INPP4B: variants seen among roughly 807,000 people sequenced by gnomAD.
INPP4B encodes inositol polyphosphate-4-phosphatase type II B.
INPP4B carries 55 observed loss-of-function variants against 122.5 expected under a neutral mutation model. The ratio of observed to expected loss-of-function variants is 0.45; its 90% CI spans 0.36 to 0.56. The LOEUF (loss-of-function observed/expected upper bound fraction) is 0.56. INPP4B is among the 20% of genes least tolerant of loss of function. The pLI is 0.00. For missense variants in INPP4B, 1,000 were observed against 1,097.7 expected, an observed-to-expected ratio of 0.91 and a Z score of 1.26; for synonymous variants, 403 against 388.7, an observed-to-expected ratio of 1.04 and a Z score of -0.43.
intron 9 of INPP4B, among the ~76,000 whole-genome samples, chr4:142,289,627 C>A (rs1755471709): frequency 6.6e-6 from 1 of 152,144 alleles, no homozygotes; most frequent in Admixed American, 6.6e-5. Context: ...TGAGAACATG[C>A]AGTAGTTGGT....
At chr4:142,205,882 T>C (rs1459203322) in intron 14 of INPP4B, among the ~76,000 whole-genome samples, 1 of 152,170 alleles carries the variant, frequency 6.6e-6, no homozygotes, top group Non-Finnish European at 1.5e-5. Context: ...AATCATTACC[T>C]ACTGTTCTAT....
chr4:142,774,407 A>G (rs1773541825), intron 1 of INPP4B, among the ~76,000 whole-genome samples: 1 of 152,092 alleles, frequency 6.6e-6, no homozygotes, highest in Admixed American at 6.5e-5. Context: ...TTATATTTGG[A>G]CAGCTTAATA....
intron 15 of INPP4B, among the ~76,000 whole-genome samples, chr4:142,175,002 C>A (rs537964638): frequency 4.0e-4 from 61 of 152,096 alleles, no homozygotes; most frequent in Non-Finnish European, 6.8e-4. Flanking sequence ...AATCTTTGAT[C>A]CATTTCATCA....
At chr4:142,363,015 G>C (rs1434456743) in intron 7 of INPP4B, among the ~76,000 whole-genome samples, 1 of 152,008 alleles carries the variant, frequency 6.6e-6, no homozygotes, top group Admixed American at 6.6e-5. Context: ...CAAAAATAAT[G>C]TGGAGGGGTA....
intron 2 of INPP4B, among the ~76,000 whole-genome samples, chr4:142,572,044 C>T (rs1732948313): frequency 6.6e-6 from 1 of 152,056 alleles, no homozygotes; most frequent in Non-Finnish European, 1.5e-5. Flanking sequence ...CCATAGACAG[C>T]CAATGCTAAA....
At chr4:142,135,969 A>G (rs1276802537) in intron 18 of INPP4B, among the ~76,000 whole-genome samples, 1 of 151,936 alleles carries the variant, frequency 6.6e-6, no homozygotes, top group East Asian at 1.9e-4. Flanking sequence ...GCTAATTTTT[A>G]GTATTTTTTA....
intron 1 of INPP4B, among the ~76,000 whole-genome samples, chr4:142,833,475 A>G (rs1035757334): frequency 2.6e-5 from 4 of 152,094 alleles, no homozygotes; most frequent in African/African-American, 9.7e-5. Flanking sequence ...TATAACAATA[A>G]CAATCATATT....
At chr4:142,405,007 A>G (rs1044013424) in intron 6 of INPP4B, among the ~76,000 whole-genome samples, 199 bp downstream of exon 6, 1 of 151,670 alleles carries the variant, frequency 6.6e-6, no homozygotes, top group Non-Finnish European at 1.5e-5. Flanking sequence ...GCATTGCTTA[A>G]TAATCTCAGG....
At chr4:142,776,141 C>T (rs1227807911) in intron 1 of INPP4B, among the ~76,000 whole-genome samples, 1 of 152,150 alleles carries the variant, frequency 6.6e-6, no homozygotes, top group Non-Finnish European at 1.5e-5. Context: ...TAATTCAAAG[C>T]AGTTTGACTT....
chr4:142,154,456 G>C (rs1816084238), intron 17 of INPP4B, among the ~76,000 whole-genome samples: 1 of 152,026 alleles, frequency 6.6e-6, no homozygotes, highest in Non-Finnish European at 1.5e-5. Context: ...TATATTTGAA[G>C]ATATTTTGAA....
intron 9 of INPP4B, among the ~76,000 whole-genome samples, chr4:142,275,519 G>A (rs1469788487): frequency 2.0e-5 from 3 of 151,502 alleles, no homozygotes; most frequent in African/African-American, 4.8e-5. Context: ...AATAAACAAG[G>A]GCCATAAGTA....
chr4:142,806,787 GA>G (rs912593813), intron 1 of INPP4B, among the ~76,000 whole-genome samples: 8 of 27,156 alleles, frequency 2.9e-4, no homozygotes, highest in East Asian at 1.3e-3. Flanking sequence ...AAGAAAGAAG[GA>G]AAGAAAGAAA....
At chr4:142,676,286 G>A (rs1024061293) in intron 2 of INPP4B, among the ~76,000 whole-genome samples, 8 of 152,040 alleles carry the variant, frequency 5.3e-5, no homozygotes, top group Non-Finnish European at 8.8e-5. Context: ...CAACTTACAA[G>A]GGATGTGAAG....
At chr4:142,494,077 T>C (rs1253378795) in intron 2 of INPP4B, among the ~76,000 whole-genome samples, 2 of 152,204 alleles carry the variant, frequency 1.3e-5, no homozygotes, top group Admixed American at 6.5e-5. Context: ...TTCTTCTTAC[T>C]GCTGCCATTT....
At chr4:142,194,434 T>C (rs1837315034) in intron 14 of INPP4B, among the ~76,000 whole-genome samples, 1 of 152,180 alleles carries the variant, frequency 6.6e-6, no homozygotes, top group South Asian at 2.1e-4. Flanking sequence ...AGAATGTTTG[T>C]TAATTACATA....
intron 5 of INPP4B, among the ~76,000 whole-genome samples, chr4:142,426,098 G>A (rs1808002709): frequency 6.6e-6 from 1 of 151,936 alleles, no homozygotes; most frequent in Admixed American, 6.6e-5. Flanking sequence ...AGTATCTATT[G>A]TTTTGGATTT....
intron 11 of INPP4B, among the ~76,000 whole-genome samples, chr4:142,259,723 A>G (rs1738731419): frequency 6.6e-6 from 1 of 151,982 alleles, no homozygotes; most frequent in Non-Finnish European, 1.5e-5. Context: ...ACAGCTATAC[A>G]AAAGTATTTT....
intron 7 of INPP4B, among the ~76,000 whole-genome samples, chr4:142,339,037 C>G (rs538029809): frequency 1.3e-5 from 2 of 152,264 alleles, no homozygotes; most frequent in East Asian, 3.9e-4. Context: ...TGGGTAGCTT[C>G]TGACTAGTTG....
chr4:142,419,328 C>T (rs1311591670), intron 5 of INPP4B, among the ~76,000 whole-genome samples: 1 of 152,016 alleles, frequency 6.6e-6, no homozygotes, highest in Non-Finnish European at 1.5e-5. Flanking sequence ...ATAAATATTA[C>T]CTAAAGCTGT....
Sources: allele counts gnomAD v4.1 joint callset (sites outside exome capture counted in the v4.1 genomes callset), GRCh38; gene constraint gnomAD v4.1.1; transcripts MANE v1.5; gene names NCBI Gene and HGNC (gene_info 2026-07-23, HGNC 2026-07-21).